The following PCDHGA6 variants were observed in gnomAD, a reference collection of about 807,000 sequenced individuals.
The protein encoded by PCDHGA6 is protocadherin gamma subfamily A, 6, also known as protocadherin gamma-A6.
Under a neutral mutation model 60.6 loss-of-function variants are expected in PCDHGA6, and 41 were observed. The observed-to-expected ratio is 0.68, with a 90% CI of 0.53 to 0.88. The LOEUF is 0.88. Among genes scored for constraint, PCDHGA6 ranks in the 40% least tolerant of loss-of-function variants. PCDHGA6 has a pLI of 0.00. For missense variants in PCDHGA6, 1,312 were observed against 1,203.0 expected, an observed-to-expected ratio of 1.09 and a Z score of -1.34; for synonymous variants, 594 against 524.4, an observed-to-expected ratio of 1.13 and a Z score of -1.81.
rs67622091 is a variant in PCDHGA6 at position 141,388,335 on chromosome 5, C to T, written c.2424+11828C>T. ...AAGTGAGTCTGCACAGCCTGGCACA[C>T]GATTTATATTAGGATCTGCCCATGA... On this transcript the variant is annotated intron_variant, in intron 1 of 3. Transcript: ENST00000517434. 13 of 1,613,842 alleles carry T rather than the reference C, an allele frequency of 8.1e-6. No homozygotes were observed. In the East Asian group the frequency reaches 1.8e-4, roughly 22 times the overall value.
At chr5:141,408,765 G>A (rs1276364659) in intron 1 of PCDHGA6, 1 of 1,611,036 alleles carries the variant, frequency 6.2e-7, no homozygotes, top group East Asian at 2.2e-5. Context: ...AATTCCGATG[G>A]TGGCAAATAC....
In PCDHGA6 at chr5:141,489,210, G is replaced by A; in HGVS notation, c.2425-5597G>A. ...TCTACCTTGGAGACAGGACAGCACAGACTTACTCTCCACAAAGGGACTTCT... is the reference window on the plus strand; with the variant it reads ...TCTACCTTGGAGACAGGACAGCACAAACTTACTCTCCACAAAGGGACTTCT... On this transcript the variant is annotated intron_variant, in intron 1 of 3. Coordinates refer to ENST00000517434, the MANE Select transcript of PCDHGA6 (RefSeq NM_018919.3). The surrounding 1 kb of genome is among the most constrained non-coding windows in gnomAD (Gnocchi z 4.5). 6 of 1,461,860 alleles carry A rather than the reference G, an allele frequency of 4.1e-6. No homozygotes were observed. Among genetic ancestry groups the A allele is most frequent in the Non-Finnish European group, 5.6e-6 (6 of 1,080,904 alleles). 90.6% of individuals were successfully genotyped at this position (1,461,860 alleles called of 1,614,324 possible). A position where few individuals can be genotyped will look rare whatever the true frequency, so the allele number is the denominator to read the frequency against.
rs779287151 is a variant in PCDHGA6, at chr5:141,384,468, G to A, written c.2424+7961G>A. 8.7e-6 allele frequency: 14 copies of A among 1,613,988 alleles called. No homozygotes were observed. The Admixed American group carries it at 2.0e-4, about 23-fold the overall frequency. On this transcript the variant is annotated intron_variant, in intron 1 of 3. Coordinates refer to ENST00000517434, the MANE Select transcript of PCDHGA6 (RefSeq NM_018919.3). ...ACGCGCTGCAATCCTTTGATTATGA[G>A]CAGTTGAGAGAACTACAACTAAGAG...
At chr5:141,405,044 G>T (rs769617162) in intron 1 of PCDHGA6, 160 of 1,613,938 alleles carry the variant, frequency 9.9e-5, no homozygotes, top group Middle Eastern at 1.6e-4. Flanking sequence ...TGTGGCTGTG[G>T]CAGTCGTCTC....
intron 1 of PCDHGA6, chr5:141,404,457 C>T: frequency 6.2e-7 from 1 of 1,612,824 alleles, no homozygotes; most frequent in Non-Finnish European, 8.5e-7. Flanking sequence ...TCTCCTCTCT[C>T]CACCTATGTC....
At chr5:141,469,948 T>C (rs1258593339) in intron 1 of PCDHGA6, among the ~76,000 whole-genome samples, 2 of 152,110 alleles carry the variant, frequency 1.3e-5, no homozygotes, top group Admixed American at 1.3e-4. Flanking sequence ...CTGGCCAGCA[T>C]GGTGAAACCC....
chr5:141,402,799 C>A (rs1248030162), intron 1 of PCDHGA6: 2 of 1,061,840 alleles, frequency 1.9e-6, no homozygotes, highest in Non-Finnish European at 2.6e-6. Flanking sequence ...TACACAAAAC[C>A]CGGCAGATAC....
intron 1 of PCDHGA6, among the ~76,000 whole-genome samples, chr5:141,379,887 CTCTTTTTTTTTTT>C (rs1775930082): frequency 1.2e-5 from 1 of 84,268 alleles, no homozygotes; most frequent in African/African-American, 5.0e-5. Context: ...CTGTGAAAGC[CTCTTTTTTTTTTT>C]TTTTTTTTTT....
Position 141,487,548 on chromosome 5 carries a change from G to T in PCDHGA6, c.2425-7259G>T. The T allele has an allele frequency of 6.2e-7, 1 of 1,614,190 alleles. No homozygotes were observed. Among genetic ancestry groups the T allele is most frequent in the Non-Finnish European group, 8.5e-7 (1 of 1,180,038 alleles). ...AGCTTCATGATGGTGAAGTCACCCA[G>T]TGCACCTATGGCAGGGGAGCCTGTT... is the stretch of plus-strand genomic sequence containing the variant. On this transcript the variant is annotated intron_variant, in intron 1 of 3. Coordinates refer to ENST00000517434, the MANE Select transcript of PCDHGA6 (RefSeq NM_018919.3). The surrounding 1 kb of genome is among the most constrained non-coding windows in gnomAD (Gnocchi z 5.0).
chr5:141,376,183 C>A lies in PCDHGA6; in HGVS notation c.2100C>A (p.Val700=). The A allele has an allele frequency of 6.2e-7, 1 of 1,614,148 alleles. No individual in the cohort carries two copies. The highest frequency in any genetic ancestry group is 8.5e-7 in the Non-Finnish European group (1 of 1,180,024). ...TLYLVVAVAA[V]SCVFLAFVIV... ...ACCTGGTGGTGGCGGTGGCCGCGGT[C>A]TCCTGCGTCTTCCTGGCCTTCGTCA... The change falls in exon 1 of 4, where the codon GTC becomes GTA. Residue 700 remains valine, a synonymous_variant. Coordinates refer to ENST00000517434, the MANE Select transcript of PCDHGA6 (RefSeq NM_018919.3).
intron 1 of PCDHGA6, chr5:141,404,757 C>T (rs759444247): frequency 3.1e-6 from 5 of 1,613,918 alleles, no homozygotes; most frequent in Non-Finnish European, 4.2e-6. Flanking sequence ...GGCCAGAATG[C>T]TTGGCTCTCC....
intron 1 of PCDHGA6, chr5:141,418,478 G>A (rs777772131): frequency 1.2e-6 from 2 of 1,613,858 alleles, no homozygotes; most frequent in Non-Finnish European, 1.7e-6. Flanking sequence ...AACGCAGAGC[G>A]CTCACCACTT....
At position 141,491,299 on chromosome 5, in the gene PCDHGA6, C is replaced by T. The variant is rs777271881; in HGVS notation, c.2425-3508C>T. ...TGACTTCCTCATACACCCTCCTGAG[C>T]GTTCAGACCTTACCCTTTACCTCAT... On this transcript the variant is annotated intron_variant, in intron 1 of 3. Transcript: ENST00000517434. This position sits in a 1 kb window ranked among gnomAD's most constrained non-coding sequence, Gnocchi z 6.9. 3.7e-6 allele frequency: 6 copies of T among 1,614,068 alleles called. No individual in the cohort carries two copies. Among genetic ancestry groups the T allele is most frequent in the Non-Finnish European group, 5.1e-6 (6 of 1,179,896 alleles).
intron 1 of PCDHGA6, chr5:141,478,760 C>T (rs1472984737): frequency 1.5e-5 from 23 of 1,510,888 alleles, no homozygotes; most frequent in Non-Finnish European, 1.9e-5. Context: ...GGGGAAGATA[C>T]TTGACTCATC....
At chr5:141,456,217 A>G (rs1328039447) in intron 1 of PCDHGA6, among the ~76,000 whole-genome samples, 1 of 152,064 alleles carries the variant, frequency 6.6e-6, no homozygotes, top group East Asian at 1.9e-4. Context: ...CCCTGTGGCG[A>G]TATCAAACTA....
chr5:141,493,052 T>G lies in PCDHGA6; in HGVS notation c.2425-1755T>G, dbSNP rs1362566525. 6.6e-6 allele frequency among the ~76,000 whole-genome samples: 1 copy of G among 152,104 alleles called. No individual in the cohort carries two copies. The highest frequency in any genetic ancestry group is 2.4e-5 in the African/African-American group (1 of 41,416). Reference sequence around the variant, plus strand: ...CTTATGTGTGAGGAAACTACAATAGTAAAAAACACAAGTTTCTCCAACTCC... The same window carrying G: ...CTTATGTGTGAGGAAACTACAATAGGAAAAAACACAAGTTTCTCCAACTCC... On this transcript the variant is annotated intron_variant, in intron 1 of 3. Coordinates refer to ENST00000517434, the MANE Select transcript of PCDHGA6 (RefSeq NM_018919.3). This position sits in a 1 kb window ranked among gnomAD's most constrained non-coding sequence, Gnocchi z 4.3.
chr5:141,433,305 C>T, intron 1 of PCDHGA6: 1 of 931,032 alleles, frequency 1.1e-6, no homozygotes, highest in Non-Finnish European at 1.6e-6. Flanking sequence ...GCAATTATCC[C>T]ACCTTTGCCT....
rs540147412 is a variant in PCDHGA6 at position 141,381,240 on chromosome 5, G to A, written c.2424+4733G>A. 4.6e-5 allele frequency among the ~76,000 whole-genome samples: 7 copies of A among 152,318 alleles called. No homozygotes were observed. The South Asian group carries it at 1.4e-3, about 32-fold the overall frequency. ...TCCTGGTTCCACCAACTACTCTCCA[G>A]GACCTAGAAGAATTTACAAACCAAG... On this transcript the variant is annotated intron_variant, in intron 1 of 3. Coordinates refer to ENST00000517434, the MANE Select transcript of PCDHGA6 (RefSeq NM_018919.3).
intron 2 of PCDHGA6, among the ~76,000 whole-genome samples, chr5:141,498,956 AGAGG>A (rs1198207839): frequency 1.1e-4 from 14 of 124,162 alleles, no homozygotes; most frequent in East Asian, 2.7e-4. Context: ...AAAAAGAGAG[AGAGG>A]GAGGGAGGGA....
Sources: allele counts gnomAD v4.1 joint callset (sites outside exome capture counted in the v4.1 genomes callset), GRCh38; gene constraint gnomAD v4.1.1; non-coding constraint Gnocchi (gnomAD v3.1); transcripts MANE v1.5; gene names NCBI Gene and HGNC (gene_info 2026-07-23, HGNC 2026-07-21).